MTUS2: variants seen among roughly 807,000 people sequenced by gnomAD.
MTUS2 encodes microtubule-associated tumor suppressor candidate 2.
Under a neutral mutation model 114.1 loss-of-function variants are expected in MTUS2, and 40 were observed. The observed-to-expected ratio is 0.35, with a 90% CI of 0.27 to 0.46. MTUS2 has a LOEUF of 0.46. Ranked by LOEUF, MTUS2 falls within the 20% of genes least tolerant of loss-of-function variation. The probability of loss-of-function intolerance (pLI) is 1.00; values close to 1 mark genes in which losing one functional copy is unlikely to be tolerated. For missense variants in MTUS2, 1,679 were observed against 1,705.4 expected, an observed-to-expected ratio of 0.98 and a Z score of 0.27; for synonymous variants, 688 against 672.0, an observed-to-expected ratio of 1.02 and a Z score of -0.37.
At chr13:29,203,888 G>T (rs1441898537) in intron 5 of MTUS2, among the ~76,000 whole-genome samples, 2 of 151,782 alleles carry the variant, frequency 1.3e-5, no homozygotes, top group African/African-American at 4.8e-5. Context: ...GATGAGCCTT[G>T]TACCTAAGTT....
Position 29,503,498 on chromosome 13 carries a change from T to C in MTUS2, c.*292T>C. The C allele has an allele frequency of 1.9e-6, 1 of 539,376 alleles. No homozygotes were observed. Among genetic ancestry groups the C allele is most frequent in the Non-Finnish European group, 3.3e-6 (1 of 299,418 alleles). 33.4% of individuals were successfully genotyped at this position (539,376 alleles called of 1,614,324 possible). A position where few individuals can be genotyped will look rare whatever the true frequency, so the allele number is the denominator to read the frequency against. On this transcript the variant is annotated 3_prime_UTR_variant, in exon 16 of 16. Coordinates refer to ENST00000612955, the MANE Select transcript of MTUS2 (RefSeq NM_001033602.4). Reference sequence around the variant, plus strand: ...CTTTCACTGCAGAATTTCAGGTTAGTTACAAAAAGCTCAGTTTTCAATATA... The same window carrying C: ...CTTTCACTGCAGAATTTCAGGTTAGCTACAAAAAGCTCAGTTTTCAATATA...
intron 9 of MTUS2, 52 bp downstream of exon 9, chr13:29,440,101 C>T (rs771978692): frequency 4.6e-6 from 7 of 1,519,690 alleles, no homozygotes; most frequent in Admixed American, 2.0e-5. Flanking sequence ...TTCCTGATTC[C>T]TGTGAATGTG....
At chr13:29,267,819 G>C (rs1593241887) in intron 5 of MTUS2, among the ~76,000 whole-genome samples, 1 of 152,256 alleles carries the variant, frequency 6.6e-6, no homozygotes, top group South Asian at 2.1e-4. Context: ...GACATCCAGT[G>C]AATGAGAAAG....
intron 2 of MTUS2, among the ~76,000 whole-genome samples, chr13:28,911,559 A>G (rs1880434583): frequency 6.6e-6 from 1 of 152,126 alleles, no homozygotes; most frequent in Non-Finnish European, 1.5e-5. Context: ...TCTGCCTCTT[A>G]GATTTTTGAG....
At position 29,143,765 on chromosome 13, in the gene MTUS2, A is replaced by G. The variant is rs188135754; in HGVS notation, c.2644+42795A>G. 2.0e-3 allele frequency among the ~76,000 whole-genome samples: 310 copies of G among 152,352 alleles called. 3 individuals are homozygous for G. Among genetic ancestry groups the G allele is most frequent in the African/African-American group, 5.5e-3 (229 of 41,590 alleles). The stretch of plus-strand genomic sequence containing the variant: ...GCTGGTAAAAACCATAGAGAATTCT[A>G]TGAAATATTCCAGAAGGAGTTAATC... On this transcript the variant is annotated intron_variant, in intron 5 of 15. Coordinates refer to ENST00000612955, the MANE Select transcript of MTUS2 (RefSeq NM_001033602.4).
At chr13:29,425,456 A>C (rs1473039254) in intron 8 of MTUS2, among the ~76,000 whole-genome samples, 1 of 152,144 alleles carries the variant, frequency 6.6e-6, no homozygotes. Context: ...ACTTTAACAA[A>C]GAAAAAAGAA....
At chr13:28,960,036 ACAAT>A (rs1384228638) in intron 2 of MTUS2, among the ~76,000 whole-genome samples, 4 of 152,272 alleles carry the variant, frequency 2.6e-5, no homozygotes, top group Non-Finnish European at 5.9e-5. Flanking sequence ...ATGAGAAAAG[ACAAT>A]CAATAGATAC....
chr13:29,019,975 C>A (rs1316598553), intron 2 of MTUS2, among the ~76,000 whole-genome samples: 3 of 152,124 alleles, frequency 2.0e-5, no homozygotes, highest in African/African-American at 7.2e-5. Context: ...TTTGTAAATA[C>A]CTGAAAGGTC....
At chr13:29,112,738 A>T (rs930478293) in intron 5 of MTUS2, among the ~76,000 whole-genome samples, 5 of 152,202 alleles carry the variant, frequency 3.3e-5, no homozygotes, top group African/African-American at 9.6e-5. Flanking sequence ...GCTATTTAAT[A>T]TACAAGTGGA....
chr13:28,841,526 T>G (rs1170362125), intron 2 of MTUS2, among the ~76,000 whole-genome samples: 1 of 151,682 alleles, frequency 6.6e-6, no homozygotes. Flanking sequence ...AGAGATGACA[T>G]GTGGAAAAGA....
At chr13:29,049,959 GA>G (rs1887814067) in intron 4 of MTUS2, among the ~76,000 whole-genome samples, 1 of 152,100 alleles carries the variant, frequency 6.6e-6, no homozygotes, top group African/African-American at 2.4e-5. Context: ...AGGTCCTAAG[GA>G]GCTTCCCTGT....
At chr13:28,988,039 G>T (rs1032184627) in intron 2 of MTUS2, among the ~76,000 whole-genome samples, 2 of 152,152 alleles carry the variant, frequency 1.3e-5, no homozygotes, top group East Asian at 1.9e-4. Context: ...TCTGGAGGAG[G>T]GACCCAGGTA....
chr13:29,210,397 A>G (rs777813218), intron 5 of MTUS2, among the ~76,000 whole-genome samples: 3 of 152,044 alleles, frequency 2.0e-5, no homozygotes, highest in Non-Finnish European at 2.9e-5. Flanking sequence ...GTGTAGCTTC[A>G]TACTCAAACT....
chr13:29,445,568 G>C (rs1878216158), intron 9 of MTUS2, among the ~76,000 whole-genome samples: 1 of 152,102 alleles, frequency 6.6e-6, no homozygotes, highest in Non-Finnish European at 1.5e-5. Context: ...CCCTGCACTT[G>C]GTATACTCAC....
rs774831386 is a variant in MTUS2 at position 29,026,415 on chromosome 13, C to T, written c.1717C>T (p.Pro573Ser). 6.2e-7 allele frequency: 1 copy of T among 1,613,774 alleles called. No individual in the cohort carries two copies. The highest frequency in any genetic ancestry group is 8.5e-7 in the Non-Finnish European group (1 of 1,179,838). ...TGCGGGGTCCCCCTTGGTAGTTCCACCCCCTACTGATAGTGCACGCTTGTT... is the reference window on the plus strand; with the variant it reads ...TGCGGGGTCCCCCTTGGTAGTTCCATCCCCTACTGATAGTGCACGCTTGTT... Reference protein sequence around the residue: ...MDAGSPLVVPPPTDSARLLNT... With the variant: ...MDAGSPLVVPSPTDSARLLNT... Residue 573 changes from proline to serine, a missense_variant, in exon 3 of 16, where the codon CCC becomes TCC. Pro to Ser is a moderately conservative substitution (Grantham distance 74). Transcript: ENST00000612955.
chr13:29,294,737 C>T (rs1898867814), intron 6 of MTUS2, among the ~76,000 whole-genome samples: 1 of 152,150 alleles, frequency 6.6e-6, no homozygotes, highest in South Asian at 2.1e-4. Context: ...AAAACATGAA[C>T]AGATTTTGCC....
At position 29,480,451 on chromosome 13, in the gene MTUS2, C is replaced by T; in HGVS notation, c.3399+87C>T. The T allele has an allele frequency of 1.5e-6, 2 of 1,357,608 alleles. No individual in the cohort carries two copies. The highest frequency in any genetic ancestry group is 9.8e-7 in the Non-Finnish European group (1 of 1,016,498). The allele number at this position is 1,357,608 out of a possible 1,614,324, so 84.1% of individuals were successfully genotyped here. On this transcript the variant is annotated intron_variant, in intron 10 of 15. Transcript: ENST00000612955. The surrounding 1 kb of genome is among the most constrained non-coding windows in gnomAD (Gnocchi z 4.4). Reference sequence around the variant, plus strand: ...TCCAGTGCCACATTAGCAAGAAGTCCTATTCAGTAGGTGAGCTTTCTGAAC... The same window carrying T: ...TCCAGTGCCACATTAGCAAGAAGTCTTATTCAGTAGGTGAGCTTTCTGAAC...
At chr13:29,221,139 T>G (rs1053886988) in intron 5 of MTUS2, among the ~76,000 whole-genome samples, 1 of 152,226 alleles carries the variant, frequency 6.6e-6, no homozygotes, top group Non-Finnish European at 1.5e-5. Context: ...CACCTGCCTG[T>G]GCATCTAGAA....
chr13:28,971,361 T>C (rs955299659), intron 2 of MTUS2, among the ~76,000 whole-genome samples: 9 of 152,236 alleles, frequency 5.9e-5, no homozygotes, highest in African/African-American at 1.9e-4. Context: ...GATTTTGATA[T>C]GGAACTCCAT....
Sources: allele counts gnomAD v4.1 joint callset (sites outside exome capture counted in the v4.1 genomes callset), GRCh38; gene constraint gnomAD v4.1.1; non-coding constraint Gnocchi (gnomAD v3.1); transcripts MANE v1.5; gene names NCBI Gene and HGNC (gene_info 2026-07-23, HGNC 2026-07-21).